Variants in MAP3K4 observed in about 807,000 individuals in gnomAD.
The protein encoded by MAP3K4 is mitogen-activated protein kinase kinase kinase 4, also known as MAP three kinase 1.
In MAP3K4, 67 loss-of-function variants were observed where a neutral mutation model predicts 185.6. The observed-to-expected ratio is 0.36, with a 90% CI of 0.30 to 0.44. The LOEUF is 0.44. Among genes scored for constraint, MAP3K4 ranks in the 20% least tolerant of loss-of-function variants. MAP3K4 has a pLI of 1.00. For synonymous variants in MAP3K4, 702 were observed against 710.4 expected (o/e 0.99, Z 0.19); for missense variants, 1,551 against 1,995.1 (o/e 0.78, Z 4.24).
At position 160,996,511 on chromosome 6, in the gene MAP3K4, A is replaced by G. The variant is rs745864791; in HGVS notation, c.152+4428A>G. 1.6e-4 allele frequency among the ~76,000 whole-genome samples: 24 copies of G among 152,148 alleles called. No individual in the cohort carries two copies. Among genetic ancestry groups the G allele is most frequent in the Non-Finnish European group, 2.4e-4 (16 of 68,030 alleles). On this transcript the variant is annotated intron_variant, in intron 1 of 26. Transcript: ENST00000392142. This position sits in a 1 kb window ranked among gnomAD's most constrained non-coding sequence, Gnocchi z 4.5. ...ATTTAATAATTCCTCATTCCTCATGACTATGATTTTACTCATAGCATTCTA... is the reference window on the plus strand; with the variant it reads ...ATTTAATAATTCCTCATTCCTCATGGCTATGATTTTACTCATAGCATTCTA...
chr6:161,092,839 C>G, intron 13 of MAP3K4, 139 bp from the exon 14 acceptor site: 1 of 499,684 alleles, frequency 2.0e-6, no homozygotes, highest in East Asian at 3.3e-5. Context: ...ACGCTGTAAA[C>G]TTACTGAACC....
chr6:161,086,661 T>C lies in MAP3K4; in HGVS notation c.2550T>C (p.Tyr850=). 1.9e-6 allele frequency: 3 copies of C among 1,611,040 alleles called. No individual in the cohort carries two copies. The highest frequency in any genetic ancestry group is 2.5e-6 in the Non-Finnish European group (3 of 1,179,076). Residue 850 remains tyrosine, a synonymous_variant, in exon 9 of 27, where the codon TAT becomes TAC. Transcript: ENST00000392142. This position sits in a 1 kb window ranked among gnomAD's most constrained non-coding sequence, Gnocchi z 4.8. The part of the protein sequence containing the change: ...DLLDVLKSKQ[Y]VKVQIPGLEN... ...TGGATGTTCTGAAATCAAAACAGTA[T>C]GTCAAGGTAAGTACTTCAAATGTTG...
chr6:161,002,792 C>T (rs1369543391), intron 1 of MAP3K4, among the ~76,000 whole-genome samples: 1 of 151,972 alleles, frequency 6.6e-6, no homozygotes, highest in African/African-American at 2.4e-5. Flanking sequence ...GGAGTTTCAC[C>T]ATGTTAGCCA....
intron 1 of MAP3K4, among the ~76,000 whole-genome samples, chr6:161,029,914 A>AT (rs1432588063): frequency 6.6e-6 from 1 of 152,096 alleles, no homozygotes; most frequent in Non-Finnish European, 1.5e-5. Context: ...TCCTATTAAT[A>AT]TGTTACTTCT....
intron 1 of MAP3K4, among the ~76,000 whole-genome samples, chr6:160,994,791 C>T (rs1418336745): frequency 1.3e-5 from 2 of 152,138 alleles, no homozygotes; most frequent in African/African-American, 4.8e-5. Flanking sequence ...ACCTCTGCCT[C>T]CCGAGTTCGA....
At position 161,067,320 on chromosome 6, in the gene MAP3K4, A is replaced by AT. The variant is rs1291523441; in HGVS notation, c.1708-3281dup. The AT allele has an allele frequency of 2.3e-5, 9 of 394,296 alleles. No homozygotes were observed. The highest frequency in any genetic ancestry group is 4.6e-5 in the Non-Finnish European group (9 of 197,420). The allele number at this position is 394,296 out of a possible 1,614,324, so 24.4% of individuals were successfully genotyped here. A position where few individuals can be genotyped will look rare whatever the true frequency, so the allele number is the denominator to read the frequency against. The stretch of plus-strand genomic sequence containing the variant: ...AGGTAGGTAAGAGACAAAACGTTAC[A>AT]TTTTTTTGAATTTCTGATTAGCTTC... On this transcript the variant is annotated intron_variant, in intron 3 of 26. Coordinates refer to ENST00000392142, the MANE Select transcript of MAP3K4 (RefSeq NM_005922.4). The surrounding 1 kb of genome is among the most constrained non-coding windows in gnomAD (Gnocchi z 6.3).
chr6:161,020,005 T>G (rs1450853529), intron 1 of MAP3K4, among the ~76,000 whole-genome samples: 1 of 152,204 alleles, frequency 6.6e-6, no homozygotes, highest in Non-Finnish European at 1.5e-5. Flanking sequence ...AAAGTCAGTT[T>G]TGAATAAATC....
chr6:160,993,134 C>T (rs571152054), intron 1 of MAP3K4, among the ~76,000 whole-genome samples: 1 of 152,236 alleles, frequency 6.6e-6, no homozygotes, highest in African/African-American at 2.4e-5. Flanking sequence ...ATTCAGTTGG[C>T]CCAAACAAAT....
chr6:161,090,213 A>C, intron 11 of MAP3K4, among the ~76,000 whole-genome samples: 1 of 152,190 alleles, frequency 6.6e-6, no homozygotes, highest in East Asian at 1.9e-4. Context: ...ATCTCTCTCT[A>C]TGGATTGCTG....
Position 161,061,687 on chromosome 6 carries a change from A to G in MAP3K4, c.1708-8921A>G, listed in dbSNP as rs150428996. Among the ~76,000 whole-genome samples the G allele has an allele frequency of 8.3e-4, 127 of 152,308 alleles. 2 individuals are homozygous for G. Among genetic ancestry groups the G allele is most frequent in the African/African-American group, 2.9e-3 (121 of 41,572 alleles). Reference sequence around the variant, plus strand: ...ACTTTCTGTCTCTTAATATTTGCCTAGCCATATAAATGTGGTCATATGGTA... The same window carrying G: ...ACTTTCTGTCTCTTAATATTTGCCTGGCCATATAAATGTGGTCATATGGTA... On this transcript the variant is annotated intron_variant, in intron 3 of 26. Coordinates refer to ENST00000392142, the MANE Select transcript of MAP3K4 (RefSeq NM_005922.4). The surrounding 1 kb of genome is among the most constrained non-coding windows in gnomAD (Gnocchi z 4.2).
intron 1 of MAP3K4, among the ~76,000 whole-genome samples, chr6:160,994,302 T>TC (rs1334199550): frequency 1.3e-5 from 2 of 152,108 alleles, no homozygotes; most frequent in Admixed American, 1.3e-4. Flanking sequence ...CTCTGAGCCT[T>TC]CCCCCGAGTC....
intron 1 of MAP3K4, among the ~76,000 whole-genome samples, chr6:160,995,848 A>G (rs989758434): frequency 6.6e-5 from 10 of 152,202 alleles, no homozygotes; most frequent in Non-Finnish European, 1.0e-4. Context: ...AGGCTGATAT[A>G]ATGCTCTTGT....
rs1230419844 is a variant in MAP3K4 at position 161,098,353 on chromosome 6, T to C, written c.3600T>C (p.Val1200=). Residue 1200 remains valine, a synonymous_variant, in exon 17 of 27, where the codon GTT becomes GTC. Transcript: ENST00000392142. This position sits in a 1 kb window ranked among gnomAD's most constrained non-coding sequence, Gnocchi z 4.4. ...CTGCTGCTGCTGCTGCTGCTGCTGTTGCTGCCAGTCGGCCCAGCCCCTCTG... is the reference window on the plus strand; with the variant it reads ...CTGCTGCTGCTGCTGCTGCTGCTGTCGCTGCCAGTCGGCCCAGCCCCTCTG... ...AAAAAAAAAA[V]AASRPSPSGG... is the part of the protein sequence containing the mutation. The C allele has an allele frequency of 6.2e-7, 1 of 1,613,464 alleles. No individual in the cohort carries two copies. The highest frequency in any genetic ancestry group is 8.5e-7 in the Non-Finnish European group (1 of 1,179,944).
chr6:161,093,103 C>T lies in MAP3K4; in HGVS notation c.3348+47C>T. ...TTTTCATTATAAAATAAGCCAGTCA[C>T]TCCTTATTTTCTGGTTGTATATGTT... On this transcript the variant is annotated intron_variant, in intron 14 of 26. Transcript: ENST00000392142. The surrounding 1 kb of genome is among the most constrained non-coding windows in gnomAD (Gnocchi z 5.2). The T allele has an allele frequency of 1.5e-6, 2 of 1,294,866 alleles. No homozygotes were observed. The highest frequency in any genetic ancestry group is 1.8e-5 in the Admixed American group (1 of 54,626). 80.2% of individuals were successfully genotyped at this position (1,294,866 alleles called of 1,614,324 possible). A position where few individuals can be genotyped will look rare whatever the true frequency, so the allele number is the denominator to read the frequency against.
rs1000584635 is a variant in MAP3K4 at position 161,022,981 on chromosome 6, A to G, written c.153-11278A>G. Among the ~76,000 whole-genome samples the G allele has an allele frequency of 6.6e-6, 1 of 152,234 alleles. No homozygotes were observed. The highest frequency in any genetic ancestry group is 1.5e-5 in the Non-Finnish European group (1 of 68,040). On this transcript the variant is annotated intron_variant, in intron 1 of 26. Transcript: ENST00000392142. This position sits in a 1 kb window ranked among gnomAD's most constrained non-coding sequence, Gnocchi z 4.2. ...ACAAATTACAGAGCTGATTGAAAAC[A>G]TAAACAAGTATAAATGTTTTATTCC...
chr6:161,093,900 G>A lies in MAP3K4; in HGVS notation c.3427+49G>A. 1.5e-6 allele frequency: 2 copies of A among 1,336,668 alleles called. No homozygotes were observed. The highest frequency in any genetic ancestry group is 1.1e-6 in the Non-Finnish European group (1 of 937,006). 82.8% of individuals were successfully genotyped at this position (1,336,668 alleles called of 1,614,324 possible). On this transcript the variant is annotated intron_variant, in intron 15 of 26. Transcript: ENST00000392142. This position sits in a 1 kb window ranked among gnomAD's most constrained non-coding sequence, Gnocchi z 5.2. ...TCTTCTGGAACATAATGATTTGAGT[G>A]GACAGATCCTCTTGTAATTGCAGTC...
At chr6:161,111,256 T>A (rs1441045521) in intron 23 of MAP3K4, among the ~76,000 whole-genome samples, 2 of 152,214 alleles carry the variant, frequency 1.3e-5, no homozygotes, top group Non-Finnish European at 1.5e-5. Context: ...CAATAATATC[T>A]TGCAGCCTAG....
intron 1 of MAP3K4, among the ~76,000 whole-genome samples, chr6:161,020,143 C>A (rs1782309167): frequency 6.6e-6 from 1 of 152,168 alleles, no homozygotes; most frequent in South Asian, 2.1e-4. Flanking sequence ...GAATACATGT[C>A]ACTGTGAGAT....
intron 2 of MAP3K4, among the ~76,000 whole-genome samples, chr6:161,045,884 A>G (rs1783709133): frequency 6.6e-6 from 1 of 152,146 alleles, no homozygotes; most frequent in Non-Finnish European, 1.5e-5. Context: ...ATTTGGGTGT[A>G]CATAATAGTT....
Sources: allele counts gnomAD v4.1 joint callset (sites outside exome capture counted in the v4.1 genomes callset), GRCh38; gene constraint gnomAD v4.1.1; non-coding constraint Gnocchi (gnomAD v3.1); transcripts MANE v1.5; gene names NCBI Gene and HGNC (gene_info 2026-07-23, HGNC 2026-07-21).